PEAR1: variants seen among roughly 807,000 people sequenced by gnomAD.
The protein encoded by PEAR1 is platelet endothelial aggregation receptor 1.
A neutral mutation model predicts 131.2 loss-of-function variants in PEAR1; 113 were observed. The observed-to-expected ratio is 0.86, with a 90% confidence interval of 0.74 to 1.01. The LOEUF (loss-of-function observed/expected upper bound fraction) is 1.01, where lower values mean the gene tolerates loss of function less well. PEAR1 is among the 50% of genes least tolerant of loss of function. The pLI is 0.00. For synonymous variants in PEAR1, 565 were observed against 523.3 expected, an observed-to-expected ratio of 1.08 and a Z score of -1.09; for missense variants, 1,408 against 1,391.1, an observed-to-expected ratio of 1.01 and a Z score of -0.19.
In PEAR1 at chr1:156,912,229, GCCCCATGTCTCC is replaced by G; in HGVS notation, c.1952-16_1952-5del. The G allele has an allele frequency of 6.2e-7, 1 of 1,603,256 alleles. No homozygotes were observed. Among genetic ancestry groups the G allele is most frequent in the Non-Finnish European group, 8.5e-7 (1 of 1,175,348 alleles). On this transcript the variant is annotated splice_polypyrimidine_tract_variant and splice_region_variant and intron_variant, in intron 15 of 22. Coordinates refer to ENST00000292357, the MANE Select transcript of PEAR1 (RefSeq NM_001080471.3). ...AAGCTGTACCTGCCCCACCAGACAG[GCCCCATGTCTCC>G]CGTAGCATGCCCTCCAGGACACTGG...
chr1:156,909,550 A>G (rs896570432), intron 11 of PEAR1, among the ~76,000 whole-genome samples: 2 of 152,198 alleles, frequency 1.3e-5, no homozygotes, highest in Non-Finnish European at 1.5e-5. Context: ...CAGACCCAGA[A>G]TGGGGTGGTA....
chr1:156,914,544 T>G, intron 22 of PEAR1, 103 bp from the exon 23 acceptor site: 1 of 1,210,106 alleles, frequency 8.3e-7, no homozygotes, highest in Non-Finnish European at 1.2e-6. Context: ...TGCTTCTCTT[T>G]GCCTTGAAGA....
At position 156,912,355 on chromosome 1, in the gene PEAR1, C is replaced by T. The variant is rs1651310699; in HGVS notation, c.2060C>T (p.Thr687Ile). The T allele has an allele frequency of 6.2e-7, 1 of 1,613,724 alleles. No individual in the cohort carries two copies. Among genetic ancestry groups the T allele is most frequent in the East Asian group, 2.2e-5 (1 of 44,882 alleles). The part of the protein sequence containing the change: ...DGSCICPLGW[T>I]GHHCLEGCPL... ...AGCTGTATCTGCCCCCTAGGCTGGA[C>T]TGGACACCACTGCTTAGAAGGTACC... Residue 687 changes from threonine (T) to isoleucine (I), a missense_variant, in exon 16 of 23, where the codon ACT becomes ATT. By Grantham distance (89) the Thr-to-Ile change is moderately conservative. Coordinates refer to ENST00000292357, the MANE Select transcript of PEAR1 (RefSeq NM_001080471.3).
At chr1:156,899,730 C>A (rs565622300) in intron 1 of PEAR1, among the ~76,000 whole-genome samples, 3 of 152,028 alleles carry the variant, frequency 2.0e-5, no homozygotes, top group African/African-American at 7.2e-5. Context: ...GTCTGCACAG[C>A]GACCCTACAA....
chr1:156,909,011 C>T lies in PEAR1; in HGVS notation c.1386C>T (p.Ile462=). Residue 462 remains isoleucine (I), a synonymous_variant, in exon 11 of 23, where the codon ATC becomes ATT. Transcript: ENST00000292357. ...AAAATGCCATCGCCTGCTCACCCAT[C>T]GACGGCGAGTGCGTCTGCAAGGAAG... ...SCENAIACSP[I]DGECVCKEGW... is the part of the protein sequence containing the mutation. 1.2e-6 allele frequency: 2 copies of T among 1,614,074 alleles called. No individual in the cohort carries two copies. Among genetic ancestry groups the T allele is most frequent in the African/African-American group, 2.7e-5 (2 of 75,022 alleles).
chr1:156,912,104 C>T, intron 15 of PEAR1, 143 bp from the exon 16 acceptor site: 1 of 1,021,148 alleles, frequency 9.8e-7, no homozygotes, highest in Non-Finnish European at 1.4e-6. Flanking sequence ...ATTTGTGAGT[C>T]ATTGGTTGCA....
chr1:156,894,582 A>G (rs893794132), intron 1 of PEAR1, among the ~76,000 whole-genome samples: 3 of 152,172 alleles, frequency 2.0e-5, no homozygotes, highest in African/African-American at 7.2e-5. Context: ...ATCCTCAGAA[A>G]ACTTGGCAGG....
chr1:156,911,475 G>A (rs1265446538), intron 15 of PEAR1, among the ~76,000 whole-genome samples: 1 of 151,344 alleles, frequency 6.6e-6, no homozygotes, highest in African/African-American at 2.4e-5. Context: ...AGACCCCTGG[G>A]GTTTCATCAT....
chr1:156,903,697 G>C (rs1005430378), intron 1 of PEAR1, among the ~76,000 whole-genome samples: 1 of 152,206 alleles, frequency 6.6e-6, no homozygotes, highest in Non-Finnish European at 1.5e-5. Flanking sequence ...AGAATGAGAC[G>C]TGAGGGTGTC....
Position 156,907,630 on chromosome 1 carries a change from A to G in PEAR1, c.665A>G (p.Gln222Arg), listed in dbSNP as rs1276305188. 1 of 1,613,632 alleles carries G rather than the reference A, an allele frequency of 6.2e-7. No individual in the cohort carries two copies. Among genetic ancestry groups the G allele is most frequent in the Non-Finnish European group, 8.5e-7 (1 of 1,179,768 alleles). The part of the protein sequence containing the change: ...TGPSCDVSCS[Q>R]GTSGFFCPST... ...TGCAGCTGTGACGTGTCCTGTTCCC[A>G]GGGCACTTCTGGCTTCTTCTGCCCC... The change falls in exon 7 of 23, where the codon CAG (glutamine) becomes CGG (arginine). Residue 222 changes from glutamine (Q) to arginine (R), a missense_variant. Gln to Arg is a conservative substitution (Grantham distance 43, BLOSUM62 1). Coordinates refer to ENST00000292357, the MANE Select transcript of PEAR1 (RefSeq NM_001080471.3).
rs896388411 is a variant in PEAR1, at chr1:156,915,026, C to G, written c.*228C>G. The G allele has an allele frequency of 3.9e-6, 2 of 515,308 alleles. No homozygotes were observed. Among genetic ancestry groups the G allele is most frequent in the Non-Finnish European group, 6.7e-6 (2 of 297,598 alleles). The allele number at this position is 515,308 out of a possible 1,614,324, so 31.9% of individuals were successfully genotyped here. ...TTTCCCAACCCACTGCTCCCAAGGC[C>G]TCCAGGGCCCTGTGTACATAAACTG... On this transcript the variant is annotated 3_prime_UTR_variant, in exon 23 of 23. Coordinates refer to ENST00000292357, the MANE Select transcript of PEAR1 (RefSeq NM_001080471.3).
At chr1:156,911,211 T>C (rs1336549840) in intron 15 of PEAR1, among the ~76,000 whole-genome samples, 2 of 111,054 alleles carry the variant, frequency 1.8e-5, no homozygotes, top group South Asian at 6.3e-4. Flanking sequence ...TTTCTTTCTT[T>C]CTTTCTTTCC....
chr1:156,908,614 GC>G lies in PEAR1; in HGVS notation c.1116-38del. The G allele has an allele frequency of 2.0e-6, 3 of 1,481,742 alleles. No individual in the cohort carries two copies. Among genetic ancestry groups the G allele is most frequent in the Non-Finnish European group, 2.7e-6 (3 of 1,116,952 alleles). 91.8% of individuals were successfully genotyped at this position (1,481,742 alleles called of 1,614,324 possible). On this transcript the variant is annotated intron_variant, in intron 9 of 22. Transcript: ENST00000292357. This position sits in a 1 kb window ranked among gnomAD's most constrained non-coding sequence, Gnocchi z 4.2. Reference sequence around the variant, plus strand: ...GGGGTCGGGAAGCTGCCCTGCCCCTGCCCAGCTCAGACCGCGCCACGCCCCC... The same window carrying G: ...GGGGTCGGGAAGCTGCCCTGCCCCTGCCAGCTCAGACCGCGCCACGCCCCC...
At chr1:156,911,043 TTC>T (rs1350803892) in intron 15 of PEAR1, among the ~76,000 whole-genome samples, 11 of 95,712 alleles carry the variant, frequency 1.1e-4, no homozygotes, top group Admixed American at 2.1e-4. Context: ...TTCTTTTTCT[TTC>T]TTTCTTTCTT....
rs1194786916 is a variant in PEAR1 at position 156,908,614 on chromosome 1, G to A, written c.1116-41G>A. ...GGGGTCGGGAAGCTGCCCTGCCCCT[G>A]CCCAGCTCAGACCGCGCCACGCCCC... On this transcript the variant is annotated intron_variant, in intron 9 of 22. Coordinates refer to ENST00000292357, the MANE Select transcript of PEAR1 (RefSeq NM_001080471.3). This position sits in a 1 kb window ranked among gnomAD's most constrained non-coding sequence, Gnocchi z 4.2. 6.7e-7 allele frequency: 1 copy of A among 1,481,742 alleles called. No homozygotes were observed. Among genetic ancestry groups the A allele is most frequent in the East Asian group, 2.5e-5 (1 of 40,374 alleles). The allele number at this position is 1,481,742 out of a possible 1,614,324, so 91.8% of individuals were successfully genotyped here. A position where few individuals can be genotyped will look rare whatever the true frequency, so the allele number is the denominator to read the frequency against.
intron 15 of PEAR1, among the ~76,000 whole-genome samples, 160 bp downstream of exon 15, chr1:156,910,903 G>T (rs1201285734): frequency 1.3e-5 from 2 of 152,214 alleles, no homozygotes; most frequent in African/African-American, 4.8e-5. Context: ...TGTTCTAGGT[G>T]CTAAGGATGC....
At chr1:156,896,131 G>C (rs925180953) in intron 1 of PEAR1, among the ~76,000 whole-genome samples, 1 of 152,190 alleles carries the variant, frequency 6.6e-6, no homozygotes, top group South Asian at 2.1e-4. Context: ...CATAGACCTG[G>C]CCCAAATCCC....
chr1:156,900,614 T>C (rs1196395383), intron 1 of PEAR1, among the ~76,000 whole-genome samples: 2 of 152,172 alleles, frequency 1.3e-5, no homozygotes, highest in African/African-American at 4.8e-5. Context: ...CGTAAATCTC[T>C]CAACACCCTG....
In PEAR1 at chr1:156,909,008, C is replaced by T. The variant is rs1650724697; in HGVS notation, c.1383C>T (p.Pro461=). 2 of 1,613,968 alleles carry T rather than the reference C, an allele frequency of 1.2e-6. No homozygotes were observed. Among genetic ancestry groups the T allele is most frequent in the African/African-American group, 1.3e-5 (1 of 74,912 alleles). ...GTGAAAATGCCATCGCCTGCTCACCCATCGACGGCGAGTGCGTCTGCAAGG... is the reference window on the plus strand; with the variant it reads ...GTGAAAATGCCATCGCCTGCTCACCTATCGACGGCGAGTGCGTCTGCAAGG... ...CSCENAIACS[P]IDGECVCKEG... The change falls in exon 11 of 23, where the codon CCC becomes CCT. Residue 461 remains proline (P), a synonymous_variant. Coordinates refer to ENST00000292357, the MANE Select transcript of PEAR1 (RefSeq NM_001080471.3).
Sources: allele counts gnomAD v4.1 joint callset (sites outside exome capture counted in the v4.1 genomes callset), GRCh38; gene constraint gnomAD v4.1.1; non-coding constraint Gnocchi (gnomAD v3.1); transcripts MANE v1.5; gene names NCBI Gene and HGNC (gene_info 2026-07-23, HGNC 2026-07-21).